The following PELI1 variants were observed in gnomAD, a reference collection of about 807,000 sequenced individuals.
PELI1 encodes E3 ubiquitin-protein ligase pellino homolog 1.
In PELI1, 15 loss-of-function variants were observed where a neutral mutation model predicts 41.3. The observed-to-expected ratio is 0.36, with a 90% CI of 0.24 to 0.56. PELI1 has a LOEUF of 0.56. Ranked by LOEUF, PELI1 falls within the 20% of genes least tolerant of loss-of-function variation. PELI1 has a pLI of 0.82. For missense variants in PELI1, 403 were observed against 525.5 expected, an observed-to-expected ratio of 0.77 and a Z score of 2.28; for synonymous variants, 178 against 180.1, an observed-to-expected ratio of 0.99 and a Z score of 0.09.
chr2:64,138,536 G>C (rs562608251), intron 1 of PELI1, among the ~76,000 whole-genome samples: 2 of 152,036 alleles, frequency 1.3e-5, no homozygotes, highest in African/African-American at 4.8e-5. Flanking sequence ...AGACCGGTCC[G>C]GCCAACATGG....
At chr2:64,105,340 C>A (rs1039360254) in intron 2 of PELI1, among the ~76,000 whole-genome samples, 3 of 152,196 alleles carry the variant, frequency 2.0e-5, no homozygotes, top group Admixed American at 6.5e-5. Context: ...AATGCACTCT[C>A]ATTATGTTAG....
At chr2:64,115,995 T>C (rs935774717) in intron 1 of PELI1, among the ~76,000 whole-genome samples, 1 of 152,210 alleles carries the variant, frequency 6.6e-6, no homozygotes, top group South Asian at 2.1e-4. Context: ...AAAGTGGACT[T>C]TGTGTGCTTA....
chr2:64,125,366 C>A (rs191888481), intron 1 of PELI1, among the ~76,000 whole-genome samples: 2 of 152,244 alleles, frequency 1.3e-5, no homozygotes, highest in Non-Finnish European at 2.9e-5. Flanking sequence ...GACATCCTAT[C>A]ACTCAAAAAA....
chr2:64,125,924 AG>A (rs1363926633), intron 1 of PELI1, among the ~76,000 whole-genome samples: 2 of 152,238 alleles, frequency 1.3e-5, no homozygotes, highest in Non-Finnish European at 2.9e-5. Flanking sequence ...TATTTGTATA[AG>A]GTGTATATGA....
intron 1 of PELI1, among the ~76,000 whole-genome samples, chr2:64,127,381 A>C (rs1446301872): frequency 6.6e-6 from 1 of 152,246 alleles, no homozygotes; most frequent in African/African-American, 2.4e-5. Flanking sequence ...TCTACAAAAA[A>C]TGTAAAGTTT....
chr2:64,110,264 A>AG (rs1553356021), intron 1 of PELI1, among the ~76,000 whole-genome samples: 7 of 151,326 alleles, frequency 4.6e-5, no homozygotes, highest in Admixed American at 1.3e-4. Flanking sequence ...AAAAAAAAAA[A>AG]AAAAGAAAAA....
Position 64,096,565 on chromosome 2 carries a change from T to C in PELI1, c.349A>G (p.Thr117Ala). ...ESPIDFVVTD[T>A]VPGSQSNSDT... Reference sequence around the variant, plus strand: ...GAATTACTTTGACTTCCAGGAACCGTGTCAGTTACTACAAAATCAATGGGG... The same window carrying C: ...GAATTACTTTGACTTCCAGGAACCGCGTCAGTTACTACAAAATCAATGGGG... Residue 117 changes from threonine to alanine, a missense_variant, in exon 5 of 7, where the codon ACG (threonine) becomes GCG (alanine). By Grantham distance (58) the Thr-to-Ala change is moderately conservative. Transcript: ENST00000358912. 1.2e-6 allele frequency: 2 copies of C among 1,613,006 alleles called. No homozygotes were observed. Among genetic ancestry groups the C allele is most frequent in the South Asian group, 2.2e-5 (2 of 91,054 alleles).
At chr2:64,104,065 A>G (rs185489536) in intron 3 of PELI1, among the ~76,000 whole-genome samples, 121 of 152,352 alleles carry the variant, frequency 7.9e-4, no homozygotes, top group Admixed American at 1.5e-3. Flanking sequence ...TTAGAAGAAT[A>G]CAAGGGGGCT....
intron 3 of PELI1, among the ~76,000 whole-genome samples, chr2:64,103,988 T>A (rs987447219): frequency 6.6e-6 from 1 of 152,210 alleles, no homozygotes; most frequent in Non-Finnish European, 1.5e-5. Context: ...AAATTCCCCC[T>A]CCTTGTCTGT....
intron 1 of PELI1, among the ~76,000 whole-genome samples, chr2:64,129,946 A>C (rs1681502042): frequency 6.6e-6 from 1 of 152,234 alleles, no homozygotes; most frequent in African/African-American, 2.4e-5. Flanking sequence ...CTCCAGAGAC[A>C]CAATGTAATT....
chr2:64,102,534 C>A (rs1396357646), intron 3 of PELI1, among the ~76,000 whole-genome samples: 1 of 152,032 alleles, frequency 6.6e-6, no homozygotes, highest in Non-Finnish European at 1.5e-5. Context: ...CCACTGTGCC[C>A]CGTTAAACAG....
chr2:64,116,019 G>T (rs1558479900), intron 1 of PELI1, among the ~76,000 whole-genome samples: 1 of 152,036 alleles, frequency 6.6e-6, no homozygotes, highest in Non-Finnish European at 1.5e-5. Context: ...TAAAAATGAG[G>T]ACAGAAAGGA....
At chr2:64,110,318 C>G (rs138586296) in intron 1 of PELI1, among the ~76,000 whole-genome samples, 6 of 145,902 alleles carry the variant, frequency 4.1e-5, no homozygotes, top group African/African-American at 1.5e-4. Flanking sequence ...GCATTTATAA[C>G]GACAATTAGA....
chr2:64,106,474 G>T (rs1207078270), intron 2 of PELI1, among the ~76,000 whole-genome samples: 1 of 152,184 alleles, frequency 6.6e-6, no homozygotes, highest in Non-Finnish European at 1.5e-5. Flanking sequence ...CCTGCTAGAA[G>T]AATTTAATCT....
At chr2:64,110,262 A>AG (rs1339072060) in intron 1 of PELI1, among the ~76,000 whole-genome samples, 3 of 151,430 alleles carry the variant, frequency 2.0e-5, no homozygotes, top group Admixed American at 6.6e-5. Flanking sequence ...AAAAAAAAAA[A>AG]AAAAAAGAAA....
At chr2:64,112,435 A>T (rs1222062023) in intron 1 of PELI1, among the ~76,000 whole-genome samples, 4 of 152,200 alleles carry the variant, frequency 2.6e-5, no homozygotes, top group African/African-American at 9.7e-5. Flanking sequence ...CAAAAGAACA[A>T]TTTTTTTGCT....
chr2:64,118,979 TG>T (rs769250851), intron 1 of PELI1, among the ~76,000 whole-genome samples: 225 of 144,076 alleles, frequency 1.6e-3, no homozygotes, highest in Middle Eastern at 0.01. Flanking sequence ...AATATGTTTT[TG>T]TTTTTTTTTT....
At chr2:64,102,247 T>C (rs1680464715) in intron 3 of PELI1, among the ~76,000 whole-genome samples, 2 of 151,568 alleles carry the variant, frequency 1.3e-5, no homozygotes, top group African/African-American at 4.9e-5. Context: ...ATCATTTACA[T>C]GCATGTTTTA....
intron 1 of PELI1, among the ~76,000 whole-genome samples, chr2:64,122,439 C>T (rs760026635): frequency 2.7e-5 from 4 of 150,592 alleles, no homozygotes; most frequent in South Asian, 2.1e-4. Context: ...TCTTTTCTTA[C>T]GGACCTATTT....
Sources: gnomAD v4.1 joint callset for allele counts (sites outside exome capture counted in the v4.1 genomes callset) on GRCh38, gnomAD v4.1.1 for gene constraint, MANE v1.5 for transcripts, NCBI Gene and HGNC (gene_info 2026-07-23, HGNC 2026-07-21) for gene names.